IL1RAPL2: variants seen among roughly 807,000 people sequenced by gnomAD.
IL1RAPL2 encodes the protein X-linked interleukin-1 receptor accessory protein-like 2.
IL1RAPL2 carries 3 observed loss-of-function variants against 44.1 expected under a neutral mutation model. That is an observed-to-expected ratio of 0.07 (90% CI 0.03 to 0.18). IL1RAPL2 has a LOEUF of 0.18. Among genes scored for constraint, IL1RAPL2 ranks in the 10% least tolerant of loss-of-function variants. The pLI is 1.00. For missense variants in IL1RAPL2, 391 were observed against 496.4 expected (o/e 0.79, Z 2.02); for synonymous variants, 181 against 178.8 (o/e 1.01, Z -0.10).
At chrX:105,547,596 T>C (rs762239138) in intron 6 of IL1RAPL2, among the ~76,000 whole-genome samples, 23 of 112,240 alleles carry the variant, frequency 2.0e-4, no homozygotes, top group Non-Finnish European at 3.4e-4. Flanking sequence ...AGTGATTTGG[T>C]GGCTCTACCA....
At position 104,881,201 on chromosome X, in the gene IL1RAPL2, C is replaced by T. The variant is rs1484895107; in HGVS notation, c.82+222206C>T. 7.2e-5 allele frequency among the ~76,000 whole-genome samples: 8 copies of T among 111,065 alleles called. No homozygotes were observed. In the Admixed American group the frequency reaches 7.7e-4, roughly 11 times the overall value. ...GTTAATTTTGTAGATATTTTTCATG[C>T]ACCTAGAGAATATTTTAAACACATA... On this transcript the variant is annotated intron_variant, in intron 2 of 10. Transcript: ENST00000372582.
At chrX:105,073,872 A>G in intron 2 of IL1RAPL2, among the ~76,000 whole-genome samples, 1 of 111,106 alleles carries the variant, frequency 9.0e-6, no homozygotes, top group Non-Finnish European at 1.9e-5. Flanking sequence ...TCCTTTGCCC[A>G]CTTTTTGATG....
At chrX:105,187,793 A>G (rs1556134800) in intron 2 of IL1RAPL2, among the ~76,000 whole-genome samples, 1 of 111,772 alleles carries the variant, frequency 8.9e-6, no homozygotes, top group Non-Finnish European at 1.9e-5. Context: ...GAATAATTTC[A>G]GGATATCTAT....
intron 7 of IL1RAPL2, among the ~76,000 whole-genome samples, chrX:105,719,410 T>C (rs1444285445): frequency 8.9e-6 from 1 of 111,780 alleles, no homozygotes; most frequent in Non-Finnish European, 1.9e-5. Flanking sequence ...ATAGATGTGA[T>C]AGCTAAAGTG....
intron 2 of IL1RAPL2, among the ~76,000 whole-genome samples, chrX:104,943,064 A>G (rs947785891): frequency 5.4e-5 from 6 of 111,424 alleles, no homozygotes; most frequent in Non-Finnish European, 1.1e-4. Context: ...GTGGTGGATA[A>G]GCTTTTTGAT....
Position 104,896,174 on chromosome X carries a change from G to A in IL1RAPL2, c.82+237179G>A, listed in dbSNP as rs181662237. 1.7e-4 allele frequency among the ~76,000 whole-genome samples: 19 copies of A among 111,718 alleles called. No individual in the cohort carries two copies. In the South Asian group the frequency reaches 1.9e-3, roughly 11 times the overall value. The stretch of plus-strand genomic sequence containing the variant: ...GGCAACATGGCTTCTCCCCTTTCTC[G>A]GTCCCATTGCAGCCATCTTGCTATT... On this transcript the variant is annotated intron_variant, in intron 2 of 10. Transcript: ENST00000372582.
intron 2 of IL1RAPL2, among the ~76,000 whole-genome samples, chrX:104,668,363 A>T (rs1253299650): frequency 9.4e-6 from 1 of 106,922 alleles, no homozygotes; most frequent in Non-Finnish European, 1.9e-5. Flanking sequence ...TTTAGGGTAC[A>T]TGTGCACAAT....
chrX:105,734,739 A>T (rs1352283922), intron 7 of IL1RAPL2, among the ~76,000 whole-genome samples: 3 of 111,474 alleles, frequency 2.7e-5, no homozygotes, highest in Non-Finnish European at 5.7e-5. Context: ...GGCTCATTTT[A>T]AAATGGTCAC....
chrX:105,431,318 A>G (rs892141700), intron 5 of IL1RAPL2, among the ~76,000 whole-genome samples: 1 of 112,035 alleles, frequency 8.9e-6, no homozygotes, highest in Non-Finnish European at 1.9e-5. Flanking sequence ...CTGGCATGTG[A>G]TCTGAGAGGC....
chrX:104,857,794 C>T (rs1922400894), intron 2 of IL1RAPL2, among the ~76,000 whole-genome samples: 1 of 110,656 alleles, frequency 9.0e-6, no homozygotes, highest in Admixed American at 9.7e-5. Flanking sequence ...TTAATCAGCG[C>T]TGCCATATGG....
intron 2 of IL1RAPL2, among the ~76,000 whole-genome samples, chrX:104,959,269 A>G (rs186308879): frequency 1.3e-4 from 14 of 111,580 alleles, no homozygotes; most frequent in Admixed American, 1.1e-3. Flanking sequence ...TGCAGCTTAC[A>G]TGGCCTCATC....
intron 2 of IL1RAPL2, among the ~76,000 whole-genome samples, chrX:105,130,983 G>A (rs6616570): frequency 0.52 from 57,479 of 110,186 alleles, 12,624 homozygotes; most frequent in East Asian, 0.75. Context: ...GAAAAGGACC[G>A]GAGAAACAAT....
chrX:105,350,744 G>A (rs1034944985), intron 5 of IL1RAPL2, among the ~76,000 whole-genome samples: 2 of 111,875 alleles, frequency 1.8e-5, no homozygotes, highest in East Asian at 2.8e-4. Context: ...AACACCAAAA[G>A]CAATGGCAAC....
At chrX:104,955,614 C>T (rs892323509) in intron 2 of IL1RAPL2, among the ~76,000 whole-genome samples, 1 of 109,015 alleles carries the variant, frequency 9.2e-6, no homozygotes, top group African/African-American at 3.3e-5. Flanking sequence ...TTTCTAGAAT[C>T]GTTTAACTTT....
rs148189864 is a variant in IL1RAPL2 at position 105,026,093 on chromosome X, C to T, written c.83-169382C>T. On this transcript the variant is annotated intron_variant, in intron 2 of 10. Transcript: ENST00000372582. Reference sequence around the variant, plus strand: ...GGGCTCCAGAAACATGATAGCTGGCCAGCACTGGAATACAACCATGAGAAG... The same window carrying T: ...GGGCTCCAGAAACATGATAGCTGGCTAGCACTGGAATACAACCATGAGAAG... Among the ~76,000 whole-genome samples the T allele has an allele frequency of 1.3e-4, 14 of 110,504 alleles. No individual in the cohort carries two copies. The East Asian group carries it at 4.0e-3, about 32-fold the overall frequency.
At chrX:105,627,845 G>C (rs192281915) in intron 6 of IL1RAPL2, among the ~76,000 whole-genome samples, 1 of 111,947 alleles carries the variant, frequency 8.9e-6, no homozygotes, top group East Asian at 2.8e-4. Flanking sequence ...AATTAAAGAA[G>C]CTAGGTGGCT....
intron 10 of IL1RAPL2, among the ~76,000 whole-genome samples, chrX:105,758,637 C>T (rs2038660204): frequency 8.9e-6 from 1 of 111,880 alleles, no homozygotes. Context: ...ATTTTCCTGG[C>T]AGTGACTACC....
At chrX:104,764,608 A>G (rs1932525549) in intron 2 of IL1RAPL2, among the ~76,000 whole-genome samples, 1 of 111,658 alleles carries the variant, frequency 9.0e-6, no homozygotes, top group Non-Finnish European at 1.9e-5. Flanking sequence ...AACAGTGGTG[A>G]TAGTGGGCAT....
intron 1 of IL1RAPL2, among the ~76,000 whole-genome samples, chrX:104,587,823 TG>T (rs1286196343): frequency 8.9e-6 from 1 of 111,834 alleles, no homozygotes; most frequent in East Asian, 2.8e-4. Flanking sequence ...AGATCACCTT[TG>T]ACAATAGAAA....
Sources: allele counts gnomAD v4.1 joint callset (sites outside exome capture counted in the v4.1 genomes callset), GRCh38; gene constraint gnomAD v4.1.1; transcripts MANE v1.5; gene names NCBI Gene and HGNC (gene_info 2026-07-23, HGNC 2026-07-21).